The following SGIP1 variants were observed in gnomAD, a reference collection of about 807,000 sequenced individuals.
SGIP1 encodes SH3GL interacting endocytic adaptor 1, also known as SH3-containing GRB2-like protein 3-interacting protein 1.
A neutral mutation model predicts 107.5 loss-of-function variants in SGIP1; 38 were observed. The ratio of observed to expected loss-of-function variants is 0.35; its 90% CI spans 0.27 to 0.46. The LOEUF (loss-of-function observed/expected upper bound fraction) is 0.46. Ranked by LOEUF, SGIP1 falls within the 20% of genes least tolerant of loss-of-function variation. The pLI is 1.00. For synonymous variants in SGIP1, 365 were observed against 366.1 expected (o/e 1.00, Z 0.03); for missense variants, 929 against 1,019.5 (o/e 0.91, Z 1.21).
chr1:66,552,974 T>C (rs1401788676), intron 1 of SGIP1, among the ~76,000 whole-genome samples: 1 of 152,062 alleles, frequency 6.6e-6, no homozygotes, highest in African/African-American at 2.4e-5. Flanking sequence ...CAGCAGTGAG[T>C]TGGCTGACTG....
chr1:66,585,643 G>T (rs540011123), intron 1 of SGIP1, among the ~76,000 whole-genome samples: 31 of 151,294 alleles, frequency 2.0e-4, no homozygotes, highest in Middle Eastern at 6.8e-3. Flanking sequence ...AATTTTTGTG[G>T]TTTTTTGTTT....
intron 10 of SGIP1, among the ~76,000 whole-genome samples, chr1:66,671,360 A>C (rs1395748251): frequency 6.6e-6 from 1 of 152,186 alleles, no homozygotes; most frequent in Admixed American, 6.5e-5. Context: ...GGGCAGAAGG[A>C]ACTGAAAGTA....
intron 1 of SGIP1, among the ~76,000 whole-genome samples, chr1:66,607,050 G>A (rs1198299304): frequency 6.6e-6 from 1 of 152,188 alleles, no homozygotes; most frequent in Non-Finnish European, 1.5e-5. Flanking sequence ...AGGGATTGGA[G>A]CCATGCACTG....
intron 1 of SGIP1, among the ~76,000 whole-genome samples, chr1:66,610,477 C>T (rs1041910198): frequency 2.8e-4 from 42 of 152,220 alleles, no homozygotes; most frequent in African/African-American, 9.6e-4. Flanking sequence ...CTCATCTTAC[C>T]GAACCAGACA....
Position 66,742,983 on chromosome 1 carries a change from G to T in SGIP1, c.2465-90G>T, listed in dbSNP as rs981153897. 15 of 1,315,968 alleles carry T rather than the reference G, an allele frequency of 1.1e-5. No homozygotes were observed. The African/African-American group carries it at 1.5e-4, about 13-fold the overall frequency. The allele number at this position is 1,315,968 out of a possible 1,614,324, so 81.5% of individuals were successfully genotyped here. On this transcript the variant is annotated intron_variant, in intron 24 of 24. Coordinates refer to ENST00000371037, the MANE Select transcript of SGIP1 (RefSeq NM_032291.4). ...AGTATGCAGTATCTGGCTCCTAGGG[G>T]TAGGGAAGGAGGAATAGAAAAGTTA...
chr1:66,650,647 G>T (rs971715575), intron 7 of SGIP1, among the ~76,000 whole-genome samples: 26 of 152,234 alleles, frequency 1.7e-4, no homozygotes, highest in Non-Finnish European at 3.1e-4. Flanking sequence ...ATCCCACACG[G>T]AGCACTGTCT....
At chr1:66,536,080 T>C (rs559188646) in intron 1 of SGIP1, among the ~76,000 whole-genome samples, 1 of 152,360 alleles carries the variant, frequency 6.6e-6, no homozygotes, top group South Asian at 2.1e-4. Flanking sequence ...TGGTCTATTG[T>C]GCCATCCAAG....
intron 1 of SGIP1, among the ~76,000 whole-genome samples, chr1:66,543,282 T>C (rs2055462732): frequency 1.3e-5 from 2 of 151,982 alleles, no homozygotes; most frequent in African/African-American, 2.4e-5. Context: ...ACAAAAGCCC[T>C]TTTTTTTCCC....
Position 66,681,927 on chromosome 1 carries a change from G to C in SGIP1, c.873G>C (p.Leu291Phe), listed in dbSNP as rs564602213. 9.9e-6 allele frequency: 16 copies of C among 1,614,042 alleles called. No homozygotes were observed. Among genetic ancestry groups the C allele is most frequent in the Non-Finnish European group, 1.4e-5 (16 of 1,180,046 alleles). The change falls in exon 15 of 25, where the codon TTG (leucine) becomes TTC (phenylalanine). Residue 291 changes from leucine (L) to phenylalanine (F), a missense_variant. Physicochemically the swap from Leu to Phe is conservative, Grantham distance 22 (BLOSUM62 0). Transcript: ENST00000371037. The stretch of plus-strand genomic sequence containing the variant: ...AAAAACTACCATCCATCAATGACTT[G>C]GACAGCATTTTTGGGCCAGTATTGT... ...KIEKLPSIND[L>F]DSIFGPVLSP...
In SGIP1 at chr1:66,540,618, A is replaced by T. The variant is rs79904517; in HGVS notation, c.10+6250A>T. ...AAACGAGTGTAATGTTGTTCGGTGT[A>T]TTTGTGTGTACAGTGGCAATGTCAT... On this transcript the variant is annotated intron_variant, in intron 1 of 24. Coordinates refer to ENST00000371037, the MANE Select transcript of SGIP1 (RefSeq NM_032291.4). Among the ~76,000 whole-genome samples the T allele has an allele frequency of 7.9e-5, 12 of 152,300 alleles. No individual in the cohort carries two copies. In the East Asian group the frequency reaches 2.3e-3, roughly 29 times the overall value.
chr1:66,601,258 G>C (rs551043127), intron 1 of SGIP1, among the ~76,000 whole-genome samples: 50 of 152,162 alleles, frequency 3.3e-4, no homozygotes, highest in Admixed American at 7.2e-4. Context: ...CCAGCTACTC[G>C]GGAGACTGAG....
chr1:66,625,986 T>G, intron 2 of SGIP1, 76 bp downstream of exon 2: 1 of 1,133,188 alleles, frequency 8.8e-7, no homozygotes, highest in Non-Finnish European at 1.3e-6. Context: ...CAATATAAGA[T>G]GGCCACAGTT....
chr1:66,681,133 C>G lies in SGIP1; in HGVS notation c.815-736C>G, dbSNP rs1012307176. On this transcript the variant is annotated intron_variant, in intron 14 of 24. Coordinates refer to ENST00000371037, the MANE Select transcript of SGIP1 (RefSeq NM_032291.4). ...AAAAATTTTTAAATTATTTTCTTCT[C>G]CATTAAGCAGGTATATATGTAACAG... is the stretch of plus-strand genomic sequence containing the variant. Among the ~76,000 whole-genome samples, 10 of 152,262 alleles carry G rather than the reference C, an allele frequency of 6.6e-5. 1 individual carries two copies. In the South Asian group the frequency reaches 1.7e-3, roughly 25 times the overall value.
At chr1:66,537,976 T>G (rs1354985216) in intron 1 of SGIP1, among the ~76,000 whole-genome samples, 1 of 152,180 alleles carries the variant, frequency 6.6e-6, no homozygotes. Context: ...TGTAGTGCCT[T>G]TGGTTGCATA....
At chr1:66,590,916 T>C (rs2063515946) in intron 1 of SGIP1, among the ~76,000 whole-genome samples, 2 of 152,212 alleles carry the variant, frequency 1.3e-5, no homozygotes, top group South Asian at 4.1e-4. Context: ...GAGAAATACA[T>C]TTTCTTTCTG....
intron 4 of SGIP1, among the ~76,000 whole-genome samples, chr1:66,637,525 T>C (rs922772663): frequency 6.6e-6 from 1 of 151,246 alleles, no homozygotes; most frequent in Non-Finnish European, 1.5e-5. Context: ...TTGTTATGAT[T>C]TGTTGTTTGT....
intron 11 of SGIP1, 93 bp downstream of exon 11, chr1:66,672,088 C>A: frequency 8.5e-7 from 1 of 1,176,036 alleles, no homozygotes; most frequent in East Asian, 2.5e-5. Context: ...TCTCAGCTCC[C>A]ATTAACAAAG....
At chr1:66,586,181 T>G (rs746259739) in intron 1 of SGIP1, among the ~76,000 whole-genome samples, 5 of 152,208 alleles carry the variant, frequency 3.3e-5, no homozygotes, top group Non-Finnish European at 7.3e-5. Context: ...GATCAATGTC[T>G]TCATAATATA....
intron 17 of SGIP1, among the ~76,000 whole-genome samples, chr1:66,690,828 A>C (rs1455282727): frequency 6.6e-6 from 1 of 151,982 alleles, no homozygotes; most frequent in African/African-American, 2.4e-5. Context: ...TTTTTTTTCT[A>C]GTGCTTTTCA....
Sources: allele counts gnomAD v4.1 joint callset (sites outside exome capture counted in the v4.1 genomes callset), GRCh38; gene constraint gnomAD v4.1.1; transcripts MANE v1.5; gene names NCBI Gene and HGNC (gene_info 2026-07-23, HGNC 2026-07-21).